PREPL: variants seen among roughly 807,000 people sequenced by gnomAD.
PREPL encodes the protein prolyl endopeptidase-like.
Under a neutral mutation model 70.6 loss-of-function variants are expected in PREPL, and 77 were observed. The observed-to-expected ratio is 1.09, with a 90% confidence interval of 0.91 to 1.32. The LOEUF is 1.32. Among genes scored for constraint, PREPL ranks in the 40% most tolerant of loss-of-function variants. The probability of loss-of-function intolerance (pLI) is 0.00; values close to 1 mark genes in which losing one functional copy is unlikely to be tolerated. For missense variants in PREPL, 1,002 were observed against 778.2 expected (o/e 1.29, Z -3.42); for synonymous variants, 315 against 264.8 (o/e 1.19, Z -1.84).
Position 44,323,291 on chromosome 2 carries a change from A to C in PREPL, c.1600T>G (p.Tyr534Asp). The change falls in exon 11 of 14, where the codon TAC becomes GAC. Residue 534 changes from tyrosine (Y) to aspartate (D), a missense_variant. Physicochemically the swap from Tyr to Asp is radical, Grantham distance 160. Coordinates refer to ENST00000409411, the MANE Select transcript of PREPL (RefSeq NM_001171613.2). ...DEKHKNYIKR[Y>D]CPYQNIKPQH... ...GGTTTAATATTTTGATAGGGACAGT[A>C]ACGTTTTATGTAGTTCTTGTGTTTT... 6.2e-7 allele frequency: 1 copy of C among 1,607,336 alleles called. No individual in the cohort carries two copies. Among genetic ancestry groups the C allele is most frequent in the Non-Finnish European group, 8.5e-7 (1 of 1,175,484 alleles).
chr2:44,325,419 T>C (rs140499748), intron 10 of PREPL, among the ~76,000 whole-genome samples: 1 of 152,234 alleles, frequency 6.6e-6, no homozygotes, highest in Non-Finnish European at 1.5e-5. Context: ...CTCTGAAGCC[T>C]CTAACACTGG....
Position 44,344,604 on chromosome 2 carries a change from C to T in PREPL, c.76-18G>A. The T allele has an allele frequency of 6.4e-7, 1 of 1,552,774 alleles. No homozygotes were observed. Among genetic ancestry groups the T allele is most frequent in the Non-Finnish European group, 8.8e-7 (1 of 1,140,920 alleles). On this transcript the variant is annotated intron_variant, in intron 2 of 13. Transcript: ENST00000409411. ...TGTTTAACCTGACAAAAGAAACATG[C>T]AGTTTACTTAATAATAATTTAATTA...
intron 3 of PREPL, 77 bp downstream of exon 3, chr2:44,344,443 T>G: frequency 2.7e-6 from 3 of 1,101,696 alleles, no homozygotes; most frequent in East Asian, 2.7e-5. Flanking sequence ...TCTCTATCTT[T>G]GAGAAATTAA....
chr2:44,319,371 T>G lies in PREPL; in HGVS notation c.*1985A>C, dbSNP rs539382533. 1 of 152,554 alleles carries G rather than the reference T, an allele frequency of 6.6e-6. No individual in the cohort carries two copies. The highest frequency in any genetic ancestry group is 2.4e-5 in the African/African-American group (1 of 41,414). The allele number at this position is 152,554 out of a possible 1,614,324, so 9.5% of individuals were successfully genotyped here. A position where few individuals can be genotyped will look rare whatever the true frequency, so the allele number is the denominator to read the frequency against. Reference sequence around the variant, plus strand: ...GTAACTGTCTTTCTGATAATCTATCTTAAGTAATACAAAAATGGGGGGAGG... The same window carrying G: ...GTAACTGTCTTTCTGATAATCTATCGTAAGTAATACAAAAATGGGGGGAGG... On this transcript the variant is annotated 3_prime_UTR_variant, in exon 14 of 14. Coordinates refer to ENST00000409411, the MANE Select transcript of PREPL (RefSeq NM_001171613.2).
At chr2:44,345,196 G>T (rs577296659) in intron 2 of PREPL, among the ~76,000 whole-genome samples, 11 of 152,308 alleles carry the variant, frequency 7.2e-5, no homozygotes, top group Admixed American at 5.9e-4. Context: ...TTGATTGGTT[G>T]ATATGATTTC....
chr2:44,357,586 T>C (rs1362337713), intron 1 of PREPL, among the ~76,000 whole-genome samples: 1 of 152,182 alleles, frequency 6.6e-6, no homozygotes, highest in African/African-American at 2.4e-5. Flanking sequence ...AGTTTCCAGG[T>C]AGTGGGAATC....
At chr2:44,339,697 A>C (rs931807563) in intron 5 of PREPL, among the ~76,000 whole-genome samples, 12 of 152,170 alleles carry the variant, frequency 7.9e-5, no homozygotes, top group African/African-American at 2.9e-4. Flanking sequence ...CTATTAATCC[A>C]TCTTTATTTG....
At chr2:44,336,443 T>C (rs1674649754) in intron 7 of PREPL, among the ~76,000 whole-genome samples, 1 of 151,814 alleles carries the variant, frequency 6.6e-6, no homozygotes, top group South Asian at 2.1e-4. Flanking sequence ...GAACAGAAAA[T>C]CAAACACCCC....
chr2:44,356,826 G>A (rs981927176), intron 1 of PREPL, among the ~76,000 whole-genome samples: 6 of 146,764 alleles, frequency 4.1e-5, no homozygotes, highest in African/African-American at 1.3e-4. Flanking sequence ...TTTTTTTTGA[G>A]ACAGGGTATC....
chr2:44,323,523 G>T, intron 10 of PREPL, 112 bp from the exon 11 acceptor site: 3 of 841,710 alleles, frequency 3.6e-6, no homozygotes, highest in Non-Finnish European at 3.4e-6. Context: ...AATAACTCAA[G>T]CCATGTAGAT....
chr2:44,322,939 CA>C, intron 11 of PREPL, 85 bp from the exon 12 acceptor site: 1 of 1,510,854 alleles, frequency 6.6e-7, no homozygotes, highest in South Asian at 1.3e-5. Flanking sequence ...TAATTACCTC[CA>C]ATTTTTCCCT....
chr2:44,330,927 C>A (rs2103812678), intron 8 of PREPL, among the ~76,000 whole-genome samples: 2 of 152,178 alleles, frequency 1.3e-5, no homozygotes, highest in South Asian at 4.2e-4. Context: ...TTGATTTTGG[C>A]CATAATGGCC....
At chr2:44,354,860 A>C (rs1235154506) in intron 1 of PREPL, among the ~76,000 whole-genome samples, 2 of 152,228 alleles carry the variant, frequency 1.3e-5, no homozygotes, top group Non-Finnish European at 2.9e-5. Context: ...TATAGGCGTG[A>C]GGCGCCACGC....
In PREPL at chr2:44,346,394, GA is replaced by G. The variant is rs1359030697; in HGVS notation, c.-48-5del. The G allele has an allele frequency of 6.2e-7, 1 of 1,608,416 alleles. No homozygotes were observed. Among genetic ancestry groups the G allele is most frequent in the African/African-American group, 1.3e-5 (1 of 74,328 alleles). Reference sequence around the variant, plus strand: ...CTTGTTTAACAGGCTGAAGATCCTGGAAAAAGTTTTGTTATGATCAAAATAT... The same window carrying G: ...CTTGTTTAACAGGCTGAAGATCCTGGAAAAGTTTTGTTATGATCAAAATAT... On this transcript the variant is annotated splice_polypyrimidine_tract_variant and splice_region_variant and intron_variant, in intron 1 of 13. Transcript: ENST00000409411.
chr2:44,340,459 C>T (rs1675091053), intron 5 of PREPL, among the ~76,000 whole-genome samples: 1 of 151,952 alleles, frequency 6.6e-6, no homozygotes, highest in Non-Finnish European at 1.5e-5. Flanking sequence ...TACTGAAAAA[C>T]GTAAAGAATC....
chr2:44,357,122 T>C (rs894707416), intron 1 of PREPL, among the ~76,000 whole-genome samples: 8 of 152,232 alleles, frequency 5.3e-5, no homozygotes, highest in African/African-American at 1.9e-4. Context: ...CCCTATTTTT[T>C]TCAGTCAGGA....
At chr2:44,334,239 TAGGG>T (rs1558497388) in intron 7 of PREPL, among the ~76,000 whole-genome samples, 2 of 152,142 alleles carry the variant, frequency 1.3e-5, no homozygotes, top group Non-Finnish European at 2.9e-5. Flanking sequence ...GGCCAGGAGA[TAGGG>T]AGACATTCCT....
At chr2:44,346,195 A>G in intron 2 of PREPL, 73 bp downstream of exon 2, 1 of 1,411,970 alleles carries the variant, frequency 7.1e-7, no homozygotes, top group Non-Finnish European at 9.8e-7. Flanking sequence ...ATGTCTCTAA[A>G]TCACCAAGTA....
In PREPL at chr2:44,318,023, CTAA is replaced by C. The variant is rs925840226; in HGVS notation, c.*3330_*3332del. Reference sequence around the variant, plus strand: ...ACAAAAAATGAAGTTATCTTTTGACCTAATAATTCCATTCCTAATACTTAGAAA... The same window carrying C: ...ACAAAAAATGAAGTTATCTTTTGACCTAATTCCATTCCTAATACTTAGAAA... On this transcript the variant is annotated 3_prime_UTR_variant, in exon 14 of 14. Coordinates refer to ENST00000409411, the MANE Select transcript of PREPL (RefSeq NM_001171613.2). 9 of 379,092 alleles carry C rather than the reference CTAA, an allele frequency of 2.4e-5. No individual in the cohort carries two copies. The highest frequency in any genetic ancestry group is 1.9e-4 in the East Asian group (2 of 10,510). 23.5% of individuals were successfully genotyped at this position (379,092 alleles called of 1,614,324 possible).
Sources: allele counts gnomAD v4.1 joint callset (sites outside exome capture counted in the v4.1 genomes callset), GRCh38; gene constraint gnomAD v4.1.1; transcripts MANE v1.5; gene names NCBI Gene and HGNC (gene_info 2026-07-23, HGNC 2026-07-21).